Variants in MGAT5 observed in about 807,000 individuals in gnomAD.
MGAT5 encodes the protein alpha-1,6-mannosylglycoprotein 6-beta-N-acetylglucosaminyltransferase A.
A neutral mutation model predicts 94.3 loss-of-function variants in MGAT5; 30 were observed. The ratio of observed to expected loss-of-function variants is 0.32; its 90% CI spans 0.24 to 0.43. The LOEUF is 0.43. Among genes scored for constraint, MGAT5 ranks in the 20% least tolerant of loss-of-function variants. The pLI, the probability that MGAT5 is intolerant of heterozygous loss-of-function variation, is 1.00. For synonymous variants in MGAT5, 310 were observed against 322.9 expected, an observed-to-expected ratio of 0.96 and a Z score of 0.43; for missense variants, 691 against 905.5, an observed-to-expected ratio of 0.76 and a Z score of 3.04.
At chr2:134,168,868 G>A (rs1183252996) in intron 1 of MGAT5, among the ~76,000 whole-genome samples, 1 of 152,194 alleles carries the variant, frequency 6.6e-6, no homozygotes, top group African/African-American at 2.4e-5. Flanking sequence ...TTCTTCTACT[G>A]GGAGAGACGT....
chr2:134,228,340 T>C (rs1681171973), intron 1 of MGAT5, among the ~76,000 whole-genome samples: 1 of 152,216 alleles, frequency 6.6e-6, no homozygotes, highest in East Asian at 1.9e-4. Context: ...TGGCAAATTA[T>C]AGGGTAAGAA....
At chr2:134,126,550 A>G (rs949022367) in intron 1 of MGAT5, among the ~76,000 whole-genome samples, 1 of 152,244 alleles carries the variant, frequency 6.6e-6, no homozygotes, top group African/African-American at 2.4e-5. Context: ...GGCAGCCGAA[A>G]AGCTTAACTA....
chr2:134,321,283 A>G lies in MGAT5; in HGVS notation c.573+2544A>G, dbSNP rs181263708. Among the ~76,000 whole-genome samples the G allele has an allele frequency of 2.6e-5, 3 of 113,846 alleles. No homozygotes were observed. In the East Asian group the frequency reaches 1.0e-3, roughly 40 times the overall value. 74.7% of individuals were successfully genotyped at this position (113,846 alleles called of 152,430 possible). ...CCTTTCTACTTGAAAGAATTTAGCC[A>G]GAGTCTGACCAAGCTCCATGATTGA... On this transcript the variant is annotated intron_variant, in intron 4 of 15. Coordinates refer to ENST00000281923, the MANE Select transcript of MGAT5 (RefSeq NM_002410.5).
At chr2:134,339,580 T>C (rs1437181942) in intron 6 of MGAT5, among the ~76,000 whole-genome samples, 2 of 152,072 alleles carry the variant, frequency 1.3e-5, no homozygotes, top group Non-Finnish European at 2.9e-5. Context: ...GTTAGGTGAA[T>C]TTTACTGCAA....
intron 1 of MGAT5, among the ~76,000 whole-genome samples, chr2:134,186,556 G>A (rs1281170974): frequency 6.6e-6 from 1 of 152,130 alleles, no homozygotes; most frequent in Non-Finnish European, 1.5e-5. Flanking sequence ...TGTCTTCCTA[G>A]GGTCAGAATC....
At chr2:134,371,640 CT>C (rs1391853793) in intron 10 of MGAT5, among the ~76,000 whole-genome samples, 1 of 152,152 alleles carries the variant, frequency 6.6e-6, no homozygotes, top group African/African-American at 2.4e-5. Flanking sequence ...CCAACCAGCC[CT>C]GCATCTGGGA....
Position 134,134,531 on chromosome 2 carries a change from G to T in MGAT5, c.-143+14240G>T, listed in dbSNP as rs138642108. On this transcript the variant is annotated intron_variant, in intron 1 of 16. Transcript: ENST00000409645. Reference sequence around the variant, plus strand: ...TCTGAGTAAGGGGATTTGTTACAGGGTGTAAGCCACACAATAAGGCTGATC... The same window carrying T: ...TCTGAGTAAGGGGATTTGTTACAGGTTGTAAGCCACACAATAAGGCTGATC... Among the ~76,000 whole-genome samples the T allele has an allele frequency of 7.9e-3, 1,203 of 152,298 alleles. 8 individuals are homozygous for T. Among genetic ancestry groups the T allele is most frequent in the Middle Eastern group, 0.02 (6 of 294 alleles).
intron 10 of MGAT5, among the ~76,000 whole-genome samples, chr2:134,366,134 C>G (rs573638191): frequency 1.3e-5 from 2 of 152,332 alleles, no homozygotes; most frequent in South Asian, 4.1e-4. Flanking sequence ...TCCCTGATCT[C>G]TACCTCTGAG....
At chr2:134,159,188 C>CGT (rs138643972) in intron 1 of MGAT5, among the ~76,000 whole-genome samples, 6,391 of 143,886 alleles carry the variant, frequency 0.044, 154 homozygotes, top group East Asian at 0.078. Flanking sequence ...GGTCTAAATT[C>CGT]GTGTGTGTGT....
chr2:134,175,802 G>A (rs1573795961), intron 1 of MGAT5, among the ~76,000 whole-genome samples: 1 of 152,342 alleles, frequency 6.6e-6, no homozygotes, highest in East Asian at 1.9e-4. Flanking sequence ...GAAGAAAGGG[G>A]TGGAGGCCGC....
At chr2:134,179,224 A>G (rs1170905722) in intron 1 of MGAT5, among the ~76,000 whole-genome samples, 4 of 147,952 alleles carry the variant, frequency 2.7e-5, no homozygotes, top group African/African-American at 4.9e-5. Context: ...GCCCCCAAGC[A>G]TAGTGCTGAG....
At chr2:134,398,314 C>A (rs1157659556) in intron 10 of MGAT5, among the ~76,000 whole-genome samples, 1 of 152,164 alleles carries the variant, frequency 6.6e-6, no homozygotes, top group East Asian at 1.9e-4. Flanking sequence ...GTGGGACACA[C>A]GCTTGCCTCT....
chr2:134,441,447 G>C (rs1685481678), intron 14 of MGAT5, among the ~76,000 whole-genome samples: 1 of 152,232 alleles, frequency 6.6e-6, no homozygotes, highest in African/African-American at 2.4e-5. Context: ...ATTGAGAATA[G>C]CCACCCTTCA....
At chr2:134,240,411 C>T (rs1681915248) in intron 1 of MGAT5, among the ~76,000 whole-genome samples, 2 of 150,432 alleles carry the variant, frequency 1.3e-5, no homozygotes, top group African/African-American at 2.5e-5. Flanking sequence ...TATGTATTTA[C>T]GTATATAATC....
chr2:134,381,741 A>G (rs376380833), intron 10 of MGAT5, among the ~76,000 whole-genome samples: 69 of 152,286 alleles, frequency 4.5e-4, no homozygotes, highest in Middle Eastern at 6.8e-3. Context: ...CCAGGCTCTT[A>G]AATGCAAGTC....
chr2:134,160,399 C>T (rs1687676595), intron 1 of MGAT5, among the ~76,000 whole-genome samples: 2 of 152,214 alleles, frequency 1.3e-5, no homozygotes, highest in Admixed American at 1.3e-4. Flanking sequence ...GTCTCGACCT[C>T]CTGACCTCGT....
intron 11 of MGAT5, among the ~76,000 whole-genome samples, chr2:134,407,334 C>CCT (rs1683399745): frequency 1.3e-5 from 2 of 152,206 alleles, no homozygotes; most frequent in South Asian, 4.1e-4. Context: ...GAGCATACTT[C>CCT]AAGTCATTCC....
chr2:134,236,409 C>T (rs1164145220), intron 1 of MGAT5, among the ~76,000 whole-genome samples: 2 of 152,174 alleles, frequency 1.3e-5, no homozygotes, highest in Non-Finnish European at 2.9e-5. Context: ...TGTGTCCCCA[C>T]CCAAATCTCA....
At chr2:134,279,810 A>G (rs1684586698) in intron 2 of MGAT5, among the ~76,000 whole-genome samples, 1 of 152,228 alleles carries the variant, frequency 6.6e-6, no homozygotes, top group Non-Finnish European at 1.5e-5. Context: ...TATTGATTCA[A>G]TAGACATTCC....
Sources: allele counts gnomAD v4.1 joint callset (sites outside exome capture counted in the v4.1 genomes callset), GRCh38; gene constraint gnomAD v4.1.1; transcripts MANE v1.5; gene names NCBI Gene and HGNC (gene_info 2026-07-23, HGNC 2026-07-21).